HERC1: variants seen among roughly 807,000 people sequenced by gnomAD.
The protein encoded by HERC1 is probable E3 ubiquitin-protein ligase HERC1.
In HERC1, 160 loss-of-function variants were observed where a neutral mutation model predicts 554.3. The observed-to-expected ratio is 0.29, with a 90% confidence interval of 0.25 to 0.33. The LOEUF (loss-of-function observed/expected upper bound fraction) is 0.33. Ranked by LOEUF, HERC1 falls within the 10% of genes least tolerant of loss-of-function variation. The pLI is 1.00. For synonymous variants in HERC1, 2,175 were observed against 2,131.7 expected (o/e 1.02, Z -0.56); for missense variants, 4,919 against 5,918.5 (o/e 0.83, Z 5.54).
At chr15:63,737,516 GATATAT>G (rs754808106) in intron 12 of HERC1, among the ~76,000 whole-genome samples, 1,258 of 46,424 alleles carry the variant, frequency 0.027, 244 homozygotes, top group African/African-American at 0.069. Flanking sequence ...CTTTTTTCCA[GATATAT>G]ATATATATAT....
At chr15:63,776,093 T>C (rs1018088431) in intron 1 of HERC1, among the ~76,000 whole-genome samples, 1 of 152,196 alleles carries the variant, frequency 6.6e-6, no homozygotes, top group African/African-American at 2.4e-5. Context: ...GATGTACCTT[T>C]TCCATTCAGT....
intron 75 of HERC1, 44 bp from the exon 76 acceptor site, chr15:63,615,964 G>A (rs755553890): frequency 2.0e-6 from 3 of 1,481,392 alleles, no homozygotes; most frequent in Admixed American, 2.5e-5. Flanking sequence ...TGGTAGAAAT[G>A]ACAGCAAAAA....
At position 63,734,825 on chromosome 15, in the gene HERC1, C is replaced by T. The variant is rs751165598; in HGVS notation, c.2545G>A (p.Gly849Arg). 1 of 1,610,780 alleles carries T rather than the reference C, an allele frequency of 6.2e-7. No homozygotes were observed. Among genetic ancestry groups the T allele is most frequent in the Non-Finnish European group, 8.5e-7 (1 of 1,178,426 alleles). Reference sequence around the variant, plus strand: ...AATGGAGGTAACAGCATGGTTGCTCCCACTGATAAAGTTTCAATTACCACC... The same window carrying T: ...AATGGAGGTAACAGCATGGTTGCTCTCACTGATAAAGTTTCAATTACCACC... The part of the protein sequence containing the change: ...QEVVIETLSV[G>R]ATMLLPPLRE... Residue 849 changes from glycine to arginine, a missense_variant, in exon 13 of 78, where the codon GGA becomes AGA. Physicochemically the swap from Gly to Arg is moderately radical, Grantham distance 125 (BLOSUM62 -2). Around this residue, in one of 11 missense-constraint regions of HERC1, gnomAD observed 744 missense variants for 1,090.0 expected, o/e 0.68. Coordinates refer to ENST00000443617, the MANE Select transcript of HERC1 (RefSeq NM_003922.4). The surrounding 1 kb of genome is among the most constrained non-coding windows in gnomAD (Gnocchi z 4.6).
intron 18 of HERC1, 32 bp from the exon 19 acceptor site, chr15:63,723,387 C>T (rs1288425629): frequency 7.0e-7 from 1 of 1,435,204 alleles, no homozygotes; most frequent in South Asian, 1.4e-5. Flanking sequence ...CCAATTTTAA[C>T]ATCATAAATT....
chr15:63,778,430 T>C (rs577237887), intron 1 of HERC1, among the ~76,000 whole-genome samples: 1 of 152,290 alleles, frequency 6.6e-6, no homozygotes, highest in African/African-American at 2.4e-5. Flanking sequence ...AGACAGCAGG[T>C]GCAATTTAAA....
intron 1 of HERC1, among the ~76,000 whole-genome samples, chr15:63,793,860 C>G (rs1378808120): frequency 6.6e-6 from 1 of 152,140 alleles, no homozygotes. Flanking sequence ...GAGGCTGAGA[C>G]CTACTGGGCT....
At chr15:63,674,210 G>A (rs1244966293) in intron 38 of HERC1, 132 bp downstream of exon 38, 4 of 589,078 alleles carry the variant, frequency 6.8e-6, no homozygotes, top group Non-Finnish European at 1.1e-5. Flanking sequence ...AAAAAATGAT[G>A]TGAAAATTGC....
chr15:63,786,920 A>AT (rs987704951), intron 1 of HERC1, among the ~76,000 whole-genome samples: 35 of 133,608 alleles, frequency 2.6e-4, no homozygotes, highest in East Asian at 1.1e-3. Context: ...ATAAATTATT[A>AT]TTTTTTTTTT....
chr15:63,768,570 C>T (rs937621986), intron 2 of HERC1, among the ~76,000 whole-genome samples: 5 of 152,188 alleles, frequency 3.3e-5, no homozygotes, highest in Non-Finnish European at 7.3e-5. Context: ...TCTGTGGCTT[C>T]GTTATCTAAA....
chr15:63,756,244 T>C lies in HERC1; in HGVS notation c.1533+193A>G, dbSNP rs981847805. On this transcript the variant is annotated intron_variant, in intron 5 of 77. Transcript: ENST00000443617. The surrounding 1 kb of genome is among the most constrained non-coding windows in gnomAD (Gnocchi z 5.0). ...ATAATAACTACCTTACAAGAATAAT[T>C]ATAAGAATATAAGAATTAAAATTCA... is the stretch of plus-strand genomic sequence containing the variant. Among the ~76,000 whole-genome samples the C allele has an allele frequency of 7.4e-6, 1 of 134,876 alleles. No homozygotes were observed. Among genetic ancestry groups the C allele is most frequent in the African/African-American group, 2.7e-5 (1 of 36,810 alleles). 88.5% of individuals were successfully genotyped at this position (134,876 alleles called of 152,430 possible). A position where few individuals can be genotyped will look rare whatever the true frequency, so the allele number is the denominator to read the frequency against.
Position 63,736,429 on chromosome 15 carries a change from A to C in HERC1, c.2521-1580T>G, listed in dbSNP as rs149508555. 3.3e-5 allele frequency among the ~76,000 whole-genome samples: 5 copies of C among 152,330 alleles called. No homozygotes were observed. In the East Asian group the frequency reaches 9.6e-4, roughly 29 times the overall value. On this transcript the variant is annotated intron_variant, in intron 12 of 77. Coordinates refer to ENST00000443617, the MANE Select transcript of HERC1 (RefSeq NM_003922.4). ...GGTTTATACCTTCTAGCAGTAGCTT[A>C]GAAGAGCCTTCCTTTGAAGAATCTC...
At chr15:63,721,351 C>T (rs1171167130) in intron 19 of HERC1, among the ~76,000 whole-genome samples, 2 of 152,090 alleles carry the variant, frequency 1.3e-5, no homozygotes, top group African/African-American at 4.8e-5. Flanking sequence ...ATGGCATAAA[C>T]CCCATCTCTA....
At chr15:63,627,256 C>A (rs118084831) in intron 70 of HERC1, among the ~76,000 whole-genome samples, 4 of 152,084 alleles carry the variant, frequency 2.6e-5, no homozygotes, top group Admixed American at 6.6e-5. Context: ...TAGGACCCCC[C>A]CTAAGAAATA....
chr15:63,831,707 TG>T (rs2078162417), intron 1 of HERC1, among the ~76,000 whole-genome samples: 1 of 152,178 alleles, frequency 6.6e-6, no homozygotes, highest in African/African-American at 2.4e-5. Flanking sequence ...AAAACATGCT[TG>T]GAACGTTGGA....
intron 1 of HERC1, among the ~76,000 whole-genome samples, chr15:63,819,981 G>A (rs1010984819): frequency 2.0e-5 from 3 of 152,118 alleles, no homozygotes; most frequent in Non-Finnish European, 4.4e-5. Context: ...CTAAGAGAGT[G>A]GATGTTAAGT....
chr15:63,751,552 C>G (rs575600331), intron 8 of HERC1, among the ~76,000 whole-genome samples: 49 of 152,232 alleles, frequency 3.2e-4, no homozygotes, highest in African/African-American at 1.2e-3. Flanking sequence ...AAATACTTGG[C>G]TTGCCTTTAG....
chr15:63,804,749 C>T (rs1192028054), intron 1 of HERC1, among the ~76,000 whole-genome samples: 1 of 152,096 alleles, frequency 6.6e-6, no homozygotes, highest in African/African-American at 2.4e-5. Flanking sequence ...CCTTACAACT[C>T]AATAAGAAAA....
At chr15:63,636,273 GTTTTT>G in intron 64 of HERC1, 131 bp from the exon 65 acceptor site, 1 of 523,702 alleles carries the variant, frequency 1.9e-6, no homozygotes, top group Non-Finnish European at 3.1e-6. Context: ...AATTTCATTA[GTTTTT>G]TTTTTTTTTT....
intron 74 of HERC1, among the ~76,000 whole-genome samples, chr15:63,618,116 T>C (rs71394521): frequency 0.47 from 69,933 of 150,166 alleles, 16,983 homozygotes; most frequent in Non-Finnish European, 0.53. Flanking sequence ...CTAGGCTTTC[T>C]TCTAGGGTTT....
Sources: allele counts gnomAD v4.1 joint callset (sites outside exome capture counted in the v4.1 genomes callset), GRCh38; gene constraint gnomAD v4.1.1; regional missense constraint gnomAD v4.1.1; non-coding constraint Gnocchi (gnomAD v3.1); transcripts MANE v1.5; gene names NCBI Gene and HGNC (gene_info 2026-07-23, HGNC 2026-07-21).